The following GXYLT1 variants were observed in gnomAD, a reference collection of about 807,000 sequenced individuals.
GXYLT1 encodes the protein glucoside xylosyltransferase 1.
GXYLT1 carries 29 observed loss-of-function variants against 54.0 expected under a neutral mutation model. The ratio of observed to expected loss-of-function variants is 0.54; its 90% CI spans 0.40 to 0.73. The LOEUF (loss-of-function observed/expected upper bound fraction) is 0.73. Ranked by LOEUF, GXYLT1 falls within the 30% of genes least tolerant of loss-of-function variation. The pLI is 0.00. For missense variants in GXYLT1, 490 were observed against 553.4 expected (o/e 0.89, Z 1.15); for synonymous variants, 176 against 204.1 (o/e 0.86, Z 1.17).
chr12:42,137,535 A>G (rs1053841630), intron 1 of GXYLT1, among the ~76,000 whole-genome samples: 5 of 149,638 alleles, frequency 3.3e-5, no homozygotes, highest in African/African-American at 1.2e-4. Flanking sequence ...AGCGGATCAC[A>G]AGGTCAGGAG....
chr12:42,125,358 T>C (rs1592121576), intron 2 of GXYLT1, among the ~76,000 whole-genome samples: 1 of 152,260 alleles, frequency 6.6e-6, no homozygotes, highest in South Asian at 2.1e-4. Context: ...AAATGACCAA[T>C]ATGCAACTAG....
intron 1 of GXYLT1, among the ~76,000 whole-genome samples, chr12:42,142,337 AT>A (rs201702582): frequency 0.012 from 1,719 of 140,112 alleles, 35 homozygotes; most frequent in East Asian, 0.091. Context: ...AAAAAAGTTA[AT>A]TTTTTTTTTT....
chr12:42,115,048 G>C (rs1225622478), intron 3 of GXYLT1, among the ~76,000 whole-genome samples: 1 of 152,174 alleles, frequency 6.6e-6, no homozygotes, highest in African/African-American at 2.4e-5. Context: ...TATCTCAATA[G>C]ATGCAGAAAA....
chr12:42,118,175 TTGA>T (rs1174078565), intron 3 of GXYLT1, among the ~76,000 whole-genome samples: 1 of 152,220 alleles, frequency 6.6e-6, no homozygotes, highest in Non-Finnish European at 1.5e-5. Flanking sequence ...TGCTGCCAAA[TTGA>T]TTTTAACTAA....
At chr12:42,139,602 C>G (rs2065640193) in intron 1 of GXYLT1, among the ~76,000 whole-genome samples, 1 of 152,180 alleles carries the variant, frequency 6.6e-6, no homozygotes, top group Non-Finnish European at 1.5e-5. Flanking sequence ...ACTTGGATTT[C>G]TAGTCTCCAG....
At chr12:42,097,882 T>C (rs1178791379) in intron 6 of GXYLT1, 28 bp downstream of exon 6, 2 of 1,509,594 alleles carry the variant, frequency 1.3e-6, no homozygotes, top group Non-Finnish European at 1.8e-6. Flanking sequence ...ATTTTTTTAA[T>C]GCAAATAAAA....
intron 2 of GXYLT1, among the ~76,000 whole-genome samples, chr12:42,126,436 T>A (rs2065562803): frequency 6.6e-6 from 1 of 152,060 alleles, no homozygotes; most frequent in African/African-American, 2.4e-5. Flanking sequence ...GAAAACAAAC[T>A]GTTGCAGGGA....
At position 42,129,850 on chromosome 12, in the gene GXYLT1, A is replaced by T; in HGVS notation, c.223T>A (p.Cys75Ser). 6.2e-7 allele frequency: 1 copy of T among 1,602,144 alleles called. No individual in the cohort carries two copies. Among genetic ancestry groups the T allele is most frequent in the Non-Finnish European group, 8.6e-7 (1 of 1,169,322 alleles). Residue 75 changes from cysteine (C) to serine (S), a missense_variant and splice_region_variant, in exon 2 of 8, where the codon TGT becomes AGT. By Grantham distance (112) the Cys-to-Ser change is moderately radical. Around this residue, in one of 2 missense-constraint regions of GXYLT1, gnomAD observed 148 missense variants for 210.7 expected, o/e 0.70. Transcript: ENST00000398675. ...PAAHPGVSDR[C>S]KDFSLCYWNP... ...CAGTAACACAGAGAGAAATCTTTACACCTAACAGAGTAAGACAGAAATAAG... is the reference window on the plus strand; with the variant it reads ...CAGTAACACAGAGAGAAATCTTTACTCCTAACAGAGTAAGACAGAAATAAG...
At chr12:42,098,915 C>T (rs1565567235) in intron 5 of GXYLT1, among the ~76,000 whole-genome samples, 1 of 151,618 alleles carries the variant, frequency 6.6e-6, no homozygotes, top group South Asian at 2.1e-4. Flanking sequence ...CATTAGAAAA[C>T]GCAAGCAAAG....
In GXYLT1 at chr12:42,096,849, CA is replaced by C. The variant is rs939338133; in HGVS notation, c.1161+592del. ...ATCAACATCACCAGTGAGGGGCAGA[CA>C]AAAGGGACTATGACTATGAGGGCCT... On this transcript the variant is annotated intron_variant, in intron 7 of 7. Coordinates refer to ENST00000398675, the MANE Select transcript of GXYLT1 (RefSeq NM_173601.2). Among the ~76,000 whole-genome samples the C allele has an allele frequency of 3.7e-4, 56 of 152,164 alleles. No individual in the cohort carries two copies. The Middle Eastern group carries it at 0.01, about 28-fold the overall frequency.
chr12:42,120,254 GTATTA>G (rs2065522604), intron 2 of GXYLT1, among the ~76,000 whole-genome samples: 2 of 152,134 alleles, frequency 1.3e-5, no homozygotes, highest in Non-Finnish European at 2.9e-5. Flanking sequence ...AAATGTTTCA[GTATTA>G]CATTCAATCT....
At chr12:42,130,051 A>G (rs2065585583) in intron 1 of GXYLT1, among the ~76,000 whole-genome samples, 200 bp from the exon 2 acceptor site, 1 of 152,186 alleles carries the variant, frequency 6.6e-6, no homozygotes, top group African/African-American at 2.4e-5. Flanking sequence ...GAACTTTAAA[A>G]CCCTGAAGGT....
intron 7 of GXYLT1, among the ~76,000 whole-genome samples, chr12:42,092,800 C>A (rs824726): frequency 6.6e-6 from 1 of 152,002 alleles, no homozygotes; most frequent in Non-Finnish European, 1.5e-5. Flanking sequence ...CTAGGCCACA[C>A]TGGAAGAATT....
chr12:42,105,281 C>A (rs1363067006), intron 5 of GXYLT1, among the ~76,000 whole-genome samples: 1 of 152,184 alleles, frequency 6.6e-6, no homozygotes, highest in East Asian at 1.9e-4. Flanking sequence ...TGGAAACACG[C>A]AGGAATTTTT....
At chr12:42,092,492 G>T (rs2065334333) in intron 7 of GXYLT1, among the ~76,000 whole-genome samples, 1 of 152,090 alleles carries the variant, frequency 6.6e-6, no homozygotes, top group South Asian at 2.1e-4. Flanking sequence ...CAGAGATCTG[G>T]TTCATGCATC....
chr12:42,144,181 C>G (rs1311796807), intron 1 of GXYLT1, among the ~76,000 whole-genome samples: 2 of 152,240 alleles, frequency 1.3e-5, no homozygotes, highest in Non-Finnish European at 2.9e-5. Context: ...AAATTAATTT[C>G]TAACTGCTTT....
intron 1 of GXYLT1, among the ~76,000 whole-genome samples, chr12:42,141,802 T>G (rs892265430): frequency 1.3e-5 from 2 of 152,172 alleles, no homozygotes; most frequent in Non-Finnish European, 2.9e-5. Flanking sequence ...GAACACGGGT[T>G]TATCTGACTA....
At chr12:42,139,037 CAA>C (rs560482231) in intron 1 of GXYLT1, among the ~76,000 whole-genome samples, 3 of 129,834 alleles carry the variant, frequency 2.3e-5, no homozygotes, top group Admixed American at 7.8e-5. Flanking sequence ...GACTCTGTCT[CAA>C]AAAAAAAAAA....
intron 3 of GXYLT1, among the ~76,000 whole-genome samples, chr12:42,116,564 A>G (rs1592115950): frequency 6.6e-6 from 1 of 152,238 alleles, no homozygotes; most frequent in East Asian, 1.9e-4. Context: ...AATGCAAATC[A>G]AAACCACAAC....
Sources: gnomAD v4.1 joint callset for allele counts (sites outside exome capture counted in the v4.1 genomes callset) on GRCh38, gnomAD v4.1.1 for gene constraint, gnomAD v4.1.1 regional missense constraint, MANE v1.5 for transcripts, NCBI Gene and HGNC (gene_info 2026-07-23, HGNC 2026-07-21) for gene names.